Variants in NUP188 observed in about 807,000 individuals in gnomAD.
NUP188 encodes the protein nucleoporin NUP188.
In NUP188, 97 loss-of-function variants were observed where a neutral mutation model predicts 223.0. The ratio of observed to expected loss-of-function variants is 0.43; its 90% CI spans 0.37 to 0.51. The LOEUF is 0.51. Ranked by LOEUF, NUP188 falls within the 20% of genes least tolerant of loss-of-function variation. The pLI, the probability that NUP188 is intolerant of heterozygous loss-of-function variation, is 0.00. For missense variants in NUP188, 1,947 were observed against 2,175.6 expected, an observed-to-expected ratio of 0.89 and a Z score of 2.09; for synonymous variants, 869 against 828.0, an observed-to-expected ratio of 1.05 and a Z score of -0.85.
chr9:128,973,102 G>A (rs1842124633), intron 11 of NUP188, 58 bp from the exon 12 acceptor site: 10 of 1,084,590 alleles, frequency 9.2e-6, no homozygotes, highest in Middle Eastern at 2.1e-4. Flanking sequence ...GGATTATGCC[G>A]AACCTGGGGA....
rs753417805 is a variant in NUP188, at chr9:128,981,338, T to C, written c.1464T>C (p.His488=). 2.5e-6 allele frequency: 4 copies of C among 1,614,020 alleles called. No homozygotes were observed. The highest frequency in any genetic ancestry group is 2.7e-5 in the African/African-American group (2 of 75,002). ...YKHKPHDVIS[H]EDGTLWRRQT... ...ACAAGCCTCATGATGTGATCTCCCA[T>C]GAAGATGGAACTCTTTGGCGGAGAC... The change falls in exon 15 of 44, where the codon CAT becomes CAC. Residue 488 remains histidine, a synonymous_variant. Coordinates refer to ENST00000372577, the MANE Select transcript of NUP188 (RefSeq NM_015354.3).
chr9:128,959,237 C>T (rs1841911773), intron 8 of NUP188, 103 bp downstream of exon 8: 7 of 795,420 alleles, frequency 8.8e-6, no homozygotes, highest in Non-Finnish European at 1.3e-5. Context: ...CTCACTGCAA[C>T]CTCCATCTCC....
chr9:129,006,874 G>A lies in NUP188; in HGVS notation c.*196G>A. ...ATGAAGAGGTCAACAGCAGGCATGG[G>A]GAGCCGAGTCTTCTGTGCTCAGGTC... is the stretch of plus-strand genomic sequence containing the variant. On this transcript the variant is annotated 3_prime_UTR_variant, in exon 44 of 44. Transcript: ENST00000372577. 1.9e-6 allele frequency: 1 copy of A among 524,332 alleles called. No homozygotes were observed. Among genetic ancestry groups the A allele is most frequent in the Non-Finnish European group, 3.3e-6 (1 of 305,514 alleles). The allele number at this position is 524,332 out of a possible 1,614,324, so 32.5% of individuals were successfully genotyped here. A position where few individuals can be genotyped will look rare whatever the true frequency, so the allele number is the denominator to read the frequency against.
chr9:128,968,417 T>C (rs2131153300), intron 8 of NUP188, 89 bp from the exon 9 acceptor site: 1 of 981,124 alleles, frequency 1.0e-6, no homozygotes. Context: ...GGGTGACAGA[T>C]TGAGACCCTT....
rs888916614 is a variant in NUP188, at chr9:129,003,565, G to C, written c.4434+111G>C. 2.3e-6 allele frequency: 3 copies of C among 1,312,294 alleles called. No individual in the cohort carries two copies. In the African/African-American group the frequency reaches 4.3e-5, roughly 19 times the overall value. The allele number at this position is 1,312,294 out of a possible 1,614,324, so 81.3% of individuals were successfully genotyped here. On this transcript the variant is annotated intron_variant, in intron 38 of 43. Coordinates refer to ENST00000372577, the MANE Select transcript of NUP188 (RefSeq NM_015354.3). ...AATTGCAGGATGTTCCTGAACGGGGGCTTTTCCCTTGGGGAGCACAGGGTT... is the reference window on the plus strand; with the variant it reads ...AATTGCAGGATGTTCCTGAACGGGGCCTTTTCCCTTGGGGAGCACAGGGTT...
In NUP188 at chr9:128,999,270, A is replaced by G. The variant is rs1842592758; in HGVS notation, c.3614A>G (p.Lys1205Arg). 1.2e-6 allele frequency: 2 copies of G among 1,614,160 alleles called. No homozygotes were observed. The highest frequency in any genetic ancestry group is 1.7e-6 in the Non-Finnish European group (2 of 1,180,022). ...CAACTCATGGAGAAGACCAAGGCCAAGGTGTTCTCAGCATTCATCACAGTG... is the reference window on the plus strand; with the variant it reads ...CAACTCATGGAGAAGACCAAGGCCAGGGTGTTCTCAGCATTCATCACAGTG... ...DQQLMEKTKA[K>R]VFSAFITVLQ... Residue 1205 changes from lysine (K) to arginine (R), a missense_variant, in exon 33 of 44, where the codon AAG (lysine) becomes AGG (arginine). Lys to Arg is a conservative substitution (Grantham distance 26). Coordinates refer to ENST00000372577, the MANE Select transcript of NUP188 (RefSeq NM_015354.3).
Position 128,999,794 on chromosome 9 carries a change from C to T in NUP188, c.3832C>T (p.Gln1278Ter). ...CTGTTCTCGGTCCCGGCACAGGGACCAGCGTGATGGGGTGAGACAGTGCCC... is the reference window on the plus strand; with the variant it reads ...CTGTTCTCGGTCCCGGCACAGGGACTAGCGTGATGGGGTGAGACAGTGCCC... ...DDCSRSRHRD[Q>*]RDGVCVLGLH... is the part of the protein sequence containing the mutation. Residue 1278 changes from glutamine (Q) to a stop codon, truncating the protein, a stop_gained, in exon 34 of 44, where the codon CAG becomes TAG. Transcript: ENST00000372577. LOFTEE classifies it high-confidence loss of function. 2 of 1,614,166 alleles carry T rather than the reference C, an allele frequency of 1.2e-6. No homozygotes were observed. Among genetic ancestry groups the T allele is most frequent in the Non-Finnish European group, 1.7e-6 (2 of 1,180,038 alleles).
intron 8 of NUP188, 48 bp downstream of exon 8, chr9:128,959,182 G>A: frequency 1.4e-6 from 2 of 1,442,228 alleles, no homozygotes; most frequent in Non-Finnish European, 1.9e-6. Flanking sequence ...TTAAGATGGA[G>A]TTTCCCTCTG....
chr9:128,994,972 G>C (rs533080123), intron 29 of NUP188, 49 bp downstream of exon 29: 4 of 1,386,520 alleles, frequency 2.9e-6, no homozygotes, highest in Admixed American at 1.7e-5. Context: ...GGGGGAGTGG[G>C]AGTTGGTGGC....
At chr9:128,954,253 G>A (rs945058054) in intron 3 of NUP188, among the ~76,000 whole-genome samples, 3 of 150,290 alleles carry the variant, frequency 2.0e-5, no homozygotes, top group Non-Finnish European at 4.4e-5. Flanking sequence ...CTCGCTTTGT[G>A]GCCCAGGCTG....
At chr9:128,956,317 G>A (rs1841870486) in intron 3 of NUP188, 33 bp from the exon 4 acceptor site, 1 of 1,331,744 alleles carries the variant, frequency 7.5e-7, no homozygotes, top group Non-Finnish European at 1.0e-6. Context: ...GGGCTATTGA[G>A]AATGAAGAAA....
intron 8 of NUP188, among the ~76,000 whole-genome samples, chr9:128,959,449 C>G (rs1178499849): frequency 6.6e-6 from 1 of 151,140 alleles, no homozygotes; most frequent in Non-Finnish European, 1.5e-5. Flanking sequence ...GCCTATAACT[C>G]TTAGGAGAAT....
At position 128,983,081 on chromosome 9, in the gene NUP188, T is replaced by C. The variant is rs529925118; in HGVS notation, c.1796+53T>C. On this transcript the variant is annotated intron_variant, in intron 17 of 43. Transcript: ENST00000372577. ...TGCCCAGTAGAGATCTCAGCACTTG[T>C]GCCCTCAGTTTGCAGGAACCTGGAC... 1.2e-5 allele frequency: 20 copies of C among 1,604,714 alleles called. No homozygotes were observed. The South Asian group carries it at 1.6e-4, about 12-fold the overall frequency.
At position 128,958,835 on chromosome 9, in the gene NUP188, A is replaced by T. The variant is rs765427975; in HGVS notation, c.406A>T (p.Ile136Phe). ...TTATTATTATGAAGAAAGAACCTGT[A>T]TTCTTCGTTGTGTCTTACACCTTCT... ...ADYYYEERTC[I>F]LRCVLHLLTY... is the part of the protein sequence containing the mutation. Residue 136 changes from isoleucine to phenylalanine, a missense_variant, in exon 7 of 44, where the codon ATT (isoleucine) becomes TTT (phenylalanine). Ile to Phe is a conservative substitution (Grantham distance 21, BLOSUM62 0). Transcript: ENST00000372577. 1 of 1,598,228 alleles carries T rather than the reference A, an allele frequency of 6.3e-7. No homozygotes were observed. The highest frequency in any genetic ancestry group is 8.5e-7 in the Non-Finnish European group (1 of 1,170,454).
chr9:128,992,580 G>T (rs1842451180), intron 25 of NUP188, among the ~76,000 whole-genome samples: 1 of 152,150 alleles, frequency 6.6e-6, no homozygotes. Context: ...GGCACATTTG[G>T]ACTTCCTTCA....
intron 9 of NUP188, 111 bp downstream of exon 9, chr9:128,968,828 A>G (rs986436490): frequency 2.6e-6 from 2 of 779,622 alleles, no homozygotes; most frequent in Non-Finnish European, 4.3e-6. Context: ...TCGGTGGGGA[A>G]ATAGGTCTAC....
Position 128,957,927 on chromosome 9 carries a change from A to G in NUP188, c.328-83A>G, listed in dbSNP as rs1348527000. Reference sequence around the variant, plus strand: ...AAATGTGCAATTATAATCTTGAAGGATGAAGTGAAGGTATCTATCTTTTTT... The same window carrying G: ...AAATGTGCAATTATAATCTTGAAGGGTGAAGTGAAGGTATCTATCTTTTTT... On this transcript the variant is annotated intron_variant, in intron 5 of 43. Transcript: ENST00000372577. The G allele has an allele frequency of 3.0e-6, 3 of 993,316 alleles. No homozygotes were observed. The African/African-American group carries it at 4.9e-5, about 16-fold the overall frequency. 61.5% of individuals were successfully genotyped at this position (993,316 alleles called of 1,614,324 possible). A position where few individuals can be genotyped will look rare whatever the true frequency, so the allele number is the denominator to read the frequency against.
intron 25 of NUP188, among the ~76,000 whole-genome samples, chr9:128,992,833 A>T (rs1842455658): frequency 6.6e-6 from 1 of 152,230 alleles, no homozygotes; most frequent in Non-Finnish European, 1.5e-5. Context: ...TTTCCAAATT[A>T]CCTTCCAAAA....
At chr9:128,951,061 C>T (rs1224179275) in intron 2 of NUP188, among the ~76,000 whole-genome samples, 1 of 152,050 alleles carries the variant, frequency 6.6e-6, no homozygotes, top group Non-Finnish European at 1.5e-5. Context: ...CCTGTAATCC[C>T]AGCACTTTGG....
Sources: gnomAD v4.1 joint callset for allele counts (sites outside exome capture counted in the v4.1 genomes callset) on GRCh38, gnomAD v4.1.1 for gene constraint, MANE v1.5 for transcripts, NCBI Gene and HGNC (gene_info 2026-07-23, HGNC 2026-07-21) for gene names.